The following PCDH9 variants were observed in gnomAD, a reference collection of about 807,000 sequenced individuals.
The protein encoded by PCDH9 is protocadherin 9, also known as protocadherin-9.
Under a neutral mutation model 70.6 loss-of-function variants are expected in PCDH9, and 24 were observed. That is an observed-to-expected ratio of 0.34 (90% CI 0.25 to 0.48). PCDH9 has a LOEUF of 0.48. Among genes scored for constraint, PCDH9 ranks in the 20% least tolerant of loss-of-function variants. The pLI is 0.99. For missense variants in PCDH9, 1,281 were observed against 1,503.6 expected, an observed-to-expected ratio of 0.85 and a Z score of 2.45; for synonymous variants, 562 against 558.5, an observed-to-expected ratio of 1.01 and a Z score of -0.09.
chr13:66,700,425 TA>T (rs1347683924), intron 3 of PCDH9, among the ~76,000 whole-genome samples: 24 of 152,270 alleles, frequency 1.6e-4, no homozygotes, highest in African/African-American at 5.5e-4. Context: ...GAGCCGTTGA[TA>T]AAACATGGGA....
intron 4 of PCDH9, among the ~76,000 whole-genome samples, chr13:66,410,464 C>T (rs1957351082): frequency 6.6e-6 from 1 of 152,208 alleles, no homozygotes; most frequent in Non-Finnish European, 1.5e-5. Flanking sequence ...GCCAATGTCA[C>T]TTTCTGATTA....
chr13:66,631,421 A>C lies in PCDH9; in HGVS notation c.3139-10T>G, dbSNP rs1250349602. The C allele has an allele frequency of 6.5e-7, 1 of 1,544,712 alleles. No homozygotes were observed. The highest frequency in any genetic ancestry group is 2.2e-5 in the East Asian group (1 of 44,540). On this transcript the variant is annotated splice_polypyrimidine_tract_variant and intron_variant, in intron 3 of 4. Coordinates refer to ENST00000377865, the MANE Select transcript of PCDH9 (RefSeq NM_203487.3). Reference sequence around the variant, plus strand: ...TAACACGGCGCTGCGACTACAAAGAAGACCACAGGACATGCTGATTAACAC... The same window carrying C: ...TAACACGGCGCTGCGACTACAAAGACGACCACAGGACATGCTGATTAACAC...
intron 3 of PCDH9, among the ~76,000 whole-genome samples, chr13:66,841,330 C>T (rs1447008735): frequency 6.6e-6 from 1 of 152,068 alleles, no homozygotes. Context: ...TATGTGTACT[C>T]CATGAAAATT....
intron 3 of PCDH9, among the ~76,000 whole-genome samples, chr13:66,861,660 G>T (rs1378265496): frequency 6.6e-6 from 1 of 152,146 alleles, no homozygotes; most frequent in Non-Finnish European, 1.5e-5. Flanking sequence ...ACTCTGGACA[G>T]TAAATGCCTC....
rs574977327 is a variant in PCDH9, at chr13:66,561,180, C to T, written c.3340+70030G>A. ...CGGAGCGGCCGGCTGGCCCCGCCAC[C>T]GGGGCAGTGAGGGGCTTAGCGCCTG... On this transcript the variant is annotated intron_variant, in intron 4 of 4. Coordinates refer to ENST00000377865, the MANE Select transcript of PCDH9 (RefSeq NM_203487.3). Among the ~76,000 whole-genome samples the T allele has an allele frequency of 5.6e-4, 86 of 152,320 alleles. 1 individual carries two copies. In the South Asian group the frequency reaches 0.016, roughly 28 times the overall value.
chr13:67,129,772 A>G (rs2087065944), intron 2 of PCDH9, among the ~76,000 whole-genome samples: 1 of 152,076 alleles, frequency 6.6e-6, no homozygotes, highest in Admixed American at 6.6e-5. Context: ...CTACTACAAA[A>G]TAAGTGAATA....
chr13:67,197,738 AC>A (rs1161276245), intron 2 of PCDH9, among the ~76,000 whole-genome samples: 1 of 151,930 alleles, frequency 6.6e-6, no homozygotes, highest in Non-Finnish European at 1.5e-5. Flanking sequence ...TATATCGATA[AC>A]CATTTATATG....
At position 66,458,128 on chromosome 13, in the gene PCDH9, T is replaced by C. The variant is rs1958354809; in HGVS notation, c.3341-153100A>G. Among the ~76,000 whole-genome samples the C allele has an allele frequency of 2.0e-5, 3 of 151,994 alleles. No homozygotes were observed. In the South Asian group the frequency reaches 6.2e-4, roughly 31 times the overall value. On this transcript the variant is annotated intron_variant, in intron 4 of 4. Coordinates refer to ENST00000377865, the MANE Select transcript of PCDH9 (RefSeq NM_203487.3). Reference sequence around the variant, plus strand: ...ATGATACCTCATGTGAAATAAAAACTTTAACTCCCTAAAATCTGGTCAAAG... The same window carrying C: ...ATGATACCTCATGTGAAATAAAAACCTTAACTCCCTAAAATCTGGTCAAAG...
chr13:67,148,641 T>C (rs796173591), intron 2 of PCDH9, among the ~76,000 whole-genome samples: 39 of 152,310 alleles, frequency 2.6e-4, no homozygotes, highest in African/African-American at 8.7e-4. Flanking sequence ...TAGCATTTTA[T>C]ATTTCAGTCA....
chr13:67,130,347 T>C (rs1198008195), intron 2 of PCDH9, among the ~76,000 whole-genome samples: 1 of 152,138 alleles, frequency 6.6e-6, no homozygotes, highest in Non-Finnish European at 1.5e-5. Flanking sequence ...ATATATAACA[T>C]ACATCCTTAA....
chr13:66,854,671 A>G (rs554888805), intron 3 of PCDH9, among the ~76,000 whole-genome samples: 1 of 152,104 alleles, frequency 6.6e-6, no homozygotes, highest in East Asian at 1.9e-4. Context: ...TGCCATTTGA[A>G]ATAGACCCCA....
intron 2 of PCDH9, among the ~76,000 whole-genome samples, chr13:66,980,085 T>TATCTATC (rs2083708778): frequency 7.7e-6 from 1 of 130,196 alleles, no homozygotes. Flanking sequence ...CATCTCTATC[T>TATCTATC]ATCTATCTAT....
At chr13:66,646,984 C>T (rs2077779863) in intron 3 of PCDH9, among the ~76,000 whole-genome samples, 1 of 152,126 alleles carries the variant, frequency 6.6e-6, no homozygotes, top group Non-Finnish European at 1.5e-5. Context: ...AGAACTCAGC[C>T]AGTGCCCATG....
At chr13:67,043,528 G>A (rs1402248374) in intron 2 of PCDH9, among the ~76,000 whole-genome samples, 1 of 152,046 alleles carries the variant, frequency 6.6e-6, no homozygotes, top group Non-Finnish European at 1.5e-5. Flanking sequence ...TAGAACATTG[G>A]AAATAATGTG....
intron 2 of PCDH9, among the ~76,000 whole-genome samples, chr13:67,005,390 A>G (rs1319820639): frequency 1.3e-5 from 2 of 152,236 alleles, no homozygotes; most frequent in Non-Finnish European, 2.9e-5. Flanking sequence ...AACTTACTAT[A>G]TAAAAATAGA....
intron 3 of PCDH9, among the ~76,000 whole-genome samples, chr13:66,770,181 T>C (rs9540905): frequency 0.081 from 12,392 of 152,130 alleles, 526 homozygotes; most frequent in East Asian, 0.14. Flanking sequence ...ATACTACTTA[T>C]ATAATTTAAG....
intron 2 of PCDH9, among the ~76,000 whole-genome samples, chr13:67,082,054 T>C (rs1050740935): frequency 1.3e-5 from 2 of 152,150 alleles, no homozygotes; most frequent in East Asian, 1.9e-4. Context: ...CTTCCAAAAC[T>C]TTCCACCCAT....
Position 66,631,253 on chromosome 13 carries a change from C to T in PCDH9, c.3297G>A (p.Pro1099=), listed in dbSNP as rs751348961. ...TGCCATCTGCTTCAGTCCTCTTGTC[C>T]GGAGAGGCCTGGTCATAGAATTCGT... ...PQDEFYDQAS[P]DKRTEADGNS... Residue 1099 remains proline (P), a synonymous_variant, in exon 4 of 5, where the codon CCG becomes CCA. Transcript: ENST00000377865. The T allele has an allele frequency of 1.2e-5, 20 of 1,610,412 alleles. 1 individual carries two copies. The South Asian group carries it at 1.5e-4, about 12-fold the overall frequency.
At chr13:66,910,803 G>C (rs549131603) in intron 2 of PCDH9, among the ~76,000 whole-genome samples, 1 of 152,098 alleles carries the variant, frequency 6.6e-6, no homozygotes, top group Non-Finnish European at 1.5e-5. Context: ...CTTTTATTGC[G>C]TAAGTGGTAT....
Sources: gnomAD v4.1 joint callset for allele counts (sites outside exome capture counted in the v4.1 genomes callset) on GRCh38, gnomAD v4.1.1 for gene constraint, MANE v1.5 for transcripts, NCBI Gene and HGNC (gene_info 2026-07-23, HGNC 2026-07-21) for gene names.